Variants in NDNF observed in about 807,000 individuals in gnomAD.
NDNF encodes the protein protein NDNF.
In NDNF, 16 loss-of-function variants were observed where a neutral mutation model predicts 42.0. The ratio of observed to expected loss-of-function variants is 0.38; its 90% CI spans 0.26 to 0.58. The LOEUF (loss-of-function observed/expected upper bound fraction) is 0.58. Among genes scored for constraint, NDNF ranks in the 20% least tolerant of loss-of-function variants. The pLI is 0.67. For synonymous variants in NDNF, 248 were observed against 251.7 expected (o/e 0.99, Z 0.14); for missense variants, 616 against 666.2 (o/e 0.92, Z 0.83).
rs72911670 is a variant in NDNF, at chr4:121,036,046, C to T, written c.*218G>A. The T allele has an allele frequency of 8.7e-3, 3,956 of 453,424 alleles. 105 individuals carry two copies. Among genetic ancestry groups the T allele is most frequent in the African/African-American group, 0.061 (3,079 of 50,068 alleles). 28.1% of individuals were successfully genotyped at this position (453,424 alleles called of 1,614,324 possible). ...GAAGCCCTCTATCTTTGACACCAAC[C>T]GGCATCAGACACACACTAGGTACCA... On this transcript the variant is annotated 3_prime_UTR_variant, in exon 4 of 4. Transcript: ENST00000379692.
intron 1 of NDNF, among the ~76,000 whole-genome samples, chr4:121,050,626 C>G (rs1199812485): frequency 6.6e-6 from 1 of 151,970 alleles, no homozygotes; most frequent in African/African-American, 2.4e-5. Context: ...TATCCACAAC[C>G]CAAAAGAACT....
At position 121,045,736 on chromosome 4, in the gene NDNF, G is replaced by T. The variant is rs1249769002; in HGVS notation, c.102C>A (p.Ile34=). The part of the protein sequence containing the change: ...TRDEELFQMQ[I]RDKAFFHDSS... ...AATCATGAAAAAATGCCTTGTCCCG[G>T]ATCTGCATCTGAAAAAGTTCCTCAT... The change falls in exon 2 of 4, where the codon ATC becomes ATA. Residue 34 remains isoleucine (I), a synonymous_variant. Coordinates refer to ENST00000379692, the MANE Select transcript of NDNF (RefSeq NM_024574.4). 6.2e-7 allele frequency: 1 copy of T among 1,614,166 alleles called. No homozygotes were observed. Among genetic ancestry groups the T allele is most frequent in the Non-Finnish European group, 8.5e-7 (1 of 1,180,030 alleles).
chr4:121,071,202 G>A (rs1283069805), intron 1 of NDNF, among the ~76,000 whole-genome samples: 5 of 152,292 alleles, frequency 3.3e-5, no homozygotes, highest in African/African-American at 1.2e-4. Context: ...CAGACAGGAC[G>A]AGGGCACGAA....
chr4:121,052,756 G>T (rs1323087138), intron 1 of NDNF, among the ~76,000 whole-genome samples: 2 of 152,168 alleles, frequency 1.3e-5, no homozygotes, highest in African/African-American at 4.8e-5. Flanking sequence ...AGGCAAAAAT[G>T]CAGCAATCAA....
chr4:121,056,742 C>T (rs1727303256), intron 1 of NDNF, among the ~76,000 whole-genome samples: 1 of 152,210 alleles, frequency 6.6e-6, no homozygotes, highest in South Asian at 2.1e-4. Flanking sequence ...AGGTACTTAA[C>T]ATGATTCAAG....
In NDNF at chr4:121,040,165, A is replaced by G. The variant is rs377708888; in HGVS notation, c.189-111T>C. On this transcript the variant is annotated intron_variant, in intron 2 of 3. Coordinates refer to ENST00000379692, the MANE Select transcript of NDNF (RefSeq NM_024574.4). Reference sequence around the variant, plus strand: ...ATTTTTTTTTCATTTTATAAATTTTATAAAATTTTCATAAAATGTCATTGT... The same window carrying G: ...ATTTTTTTTTCATTTTATAAATTTTGTAAAATTTTCATAAAATGTCATTGT... 11 of 1,111,090 alleles carry G rather than the reference A, an allele frequency of 9.9e-6. No individual in the cohort carries two copies. The East Asian group carries it at 2.6e-4, about 26-fold the overall frequency. The allele number at this position is 1,111,090 out of a possible 1,614,324, so 68.8% of individuals were successfully genotyped here.
intron 1 of NDNF, among the ~76,000 whole-genome samples, chr4:121,048,438 G>T (rs1017727173): frequency 6.6e-5 from 10 of 152,184 alleles, no homozygotes; most frequent in African/African-American, 1.9e-4. Flanking sequence ...GGGTATCTGG[G>T]ATATTTAGGT....
At chr4:121,042,813 A>G (rs1012258122) in intron 2 of NDNF, among the ~76,000 whole-genome samples, 1 of 152,222 alleles carries the variant, frequency 6.6e-6, no homozygotes, top group Non-Finnish European at 1.5e-5. Context: ...AAAACAATGT[A>G]CAAGTTTGTC....
chr4:121,059,725 G>A (rs1727370517), intron 1 of NDNF, among the ~76,000 whole-genome samples: 2 of 152,182 alleles, frequency 1.3e-5, no homozygotes, highest in African/African-American at 2.4e-5. Flanking sequence ...TGGCATAGAC[G>A]GGTGCTTCTC....
chr4:121,037,108 A>T lies in NDNF; in HGVS notation c.863T>A (p.Ile288Asn). Residue 288 changes from isoleucine (I) to asparagine (N), a missense_variant, in exon 4 of 4, where the codon ATT becomes AAT. Ile to Asn is a moderately radical substitution (Grantham distance 149). Coordinates refer to ENST00000379692, the MANE Select transcript of NDNF (RefSeq NM_024574.4). ...CTTGTTTCCTATGCAGATTTTCTGAATATCAACCTTGGGCCTGGAGTAGAC... is the reference window on the plus strand; with the variant it reads ...CTTGTTTCCTATGCAGATTTTCTGATTATCAACCTTGGGCCTGGAGTAGAC... ...RHVYSRPKVD[I>N]QKICIGNKNI... 1.2e-6 allele frequency: 2 copies of T among 1,613,944 alleles called. No individual in the cohort carries two copies. The highest frequency in any genetic ancestry group is 1.7e-6 in the Non-Finnish European group (2 of 1,180,012).
chr4:121,053,762 G>A (rs1560607442), intron 1 of NDNF, among the ~76,000 whole-genome samples: 1 of 152,170 alleles, frequency 6.6e-6, no homozygotes, highest in African/African-American at 2.4e-5. Flanking sequence ...ATGATTCTTA[G>A]AATAATGAAA....
At chr4:121,054,196 A>G (rs1727247305) in intron 1 of NDNF, among the ~76,000 whole-genome samples, 1 of 152,236 alleles carries the variant, frequency 6.6e-6, no homozygotes, top group African/African-American at 2.4e-5. Flanking sequence ...TCAAATATCG[A>G]TGTCATACTC....
chr4:121,065,717 TAC>T (rs147500183), intron 1 of NDNF, among the ~76,000 whole-genome samples: 2,126 of 147,570 alleles, frequency 0.014, 39 homozygotes, highest in African/African-American at 0.041. Flanking sequence ...AAGAATGAAA[TAC>T]ACACACACAC....
At chr4:121,051,305 GGA>G (rs1727190115) in intron 1 of NDNF, among the ~76,000 whole-genome samples, 1 of 152,122 alleles carries the variant, frequency 6.6e-6, no homozygotes, top group Non-Finnish European at 1.5e-5. Flanking sequence ...TGTTCTGCAA[GGA>G]GTAGGGAGTG....
chr4:121,063,370 A>G (rs933048636), intron 1 of NDNF, among the ~76,000 whole-genome samples: 3 of 152,202 alleles, frequency 2.0e-5, no homozygotes, highest in Non-Finnish European at 4.4e-5. Context: ...TGAAGAAAAT[A>G]TGTTTTATTA....
rs1349220167 is a variant in NDNF, at chr4:121,052,155, GTCA to G, written c.-1-6320_-1-6318del. ...ATGTATAAATGTAGTTGTGAAAAAT[GTCA>G]TCAAGCTCTTACACACTTTACATAT... On this transcript the variant is annotated intron_variant, in intron 1 of 3. Transcript: ENST00000379692. Among the ~76,000 whole-genome samples the G allele has an allele frequency of 5.3e-5, 8 of 152,240 alleles. No homozygotes were observed. In the East Asian group the frequency reaches 5.8e-4, roughly 11 times the overall value.
At chr4:121,070,646 T>C (rs762880942) in intron 1 of NDNF, among the ~76,000 whole-genome samples, 2 of 152,156 alleles carry the variant, frequency 1.3e-5, no homozygotes, top group African/African-American at 4.8e-5. Context: ...AAACTCTTCT[T>C]TGTGATTTAG....
chr4:121,067,112 G>C (rs1262096575), intron 1 of NDNF, among the ~76,000 whole-genome samples: 2 of 152,218 alleles, frequency 1.3e-5, no homozygotes, highest in African/African-American at 4.8e-5. Context: ...CCACTCAAAT[G>C]AGTTGATTCC....
intron 1 of NDNF, among the ~76,000 whole-genome samples, chr4:121,054,803 T>C (rs1170827787): frequency 1.3e-5 from 2 of 152,148 alleles, no homozygotes; most frequent in Admixed American, 1.3e-4. Context: ...GGGGTTTGGA[T>C]TCTGTTCTAA....
Sources: gnomAD v4.1 joint callset for allele counts (sites outside exome capture counted in the v4.1 genomes callset) on GRCh38, gnomAD v4.1.1 for gene constraint, MANE v1.5 for transcripts, NCBI Gene and HGNC (gene_info 2026-07-23, HGNC 2026-07-21) for gene names.